Variants in B3GLCT observed in about 807,000 individuals in gnomAD.
B3GLCT encodes the protein beta 3-glucosyltransferase.
In B3GLCT, 65 loss-of-function variants were observed where a neutral mutation model predicts 63.4. The observed-to-expected ratio is 1.03, with a 90% CI of 0.84 to 1.26. The LOEUF (loss-of-function observed/expected upper bound fraction) is 1.26, where lower values mean the gene tolerates loss of function less well. B3GLCT is among the 50% of genes most tolerant of loss of function. The pLI is 0.00. For synonymous variants in B3GLCT, 233 were observed against 219.2 expected, an observed-to-expected ratio of 1.06 and a Z score of -0.55; for missense variants, 577 against 604.8, an observed-to-expected ratio of 0.95 and a Z score of 0.48.
At chr13:31,284,403 G>A (rs569006834) in intron 10 of B3GLCT, among the ~76,000 whole-genome samples, 2 of 152,212 alleles carry the variant, frequency 1.3e-5, no homozygotes, top group African/African-American at 4.8e-5. Flanking sequence ...TTATATGGAA[G>A]TAAGTGCATT....
At chr13:31,234,251 A>T (rs1870530926) in intron 4 of B3GLCT, among the ~76,000 whole-genome samples, 1 of 151,810 alleles carries the variant, frequency 6.6e-6, no homozygotes, top group Non-Finnish European at 1.5e-5. Flanking sequence ...TGATCTCCTG[A>T]CCTCGTAATC....
chr13:31,272,506 G>A (rs866931875), intron 8 of B3GLCT, among the ~76,000 whole-genome samples: 9 of 152,052 alleles, frequency 5.9e-5, no homozygotes, highest in South Asian at 2.1e-4. Context: ...GTGAGCCACC[G>A]TGCCCGGCCC....
chr13:31,316,942 A>C (rs1481392781), intron 12 of B3GLCT, among the ~76,000 whole-genome samples: 2 of 152,172 alleles, frequency 1.3e-5, no homozygotes, highest in African/African-American at 4.8e-5. Context: ...GATAGGGGCC[A>C]AAAGGTATTC....
rs778364563 is a variant in B3GLCT at position 31,274,580 on chromosome 13, C to T, written c.732C>T (p.Asp244=). The part of the protein sequence containing the change: ...LTPVPEFCTN[D]VDFYCATTFH... ...CAGTGCCTGAGTTTTGTACCAATGA[C>T]GTGGACTTCTACTGTGCTACCACAT... Residue 244 remains aspartate (D), a synonymous_variant, in exon 9 of 15, where the codon GAC becomes GAT. Transcript: ENST00000343307. 11 of 1,614,060 alleles carry T rather than the reference C, an allele frequency of 6.8e-6. No individual in the cohort carries two copies. Among genetic ancestry groups the T allele is most frequent in the East Asian group, 4.5e-5 (2 of 44,894 alleles).
intron 12 of B3GLCT, among the ~76,000 whole-genome samples, chr13:31,315,459 T>C (rs756512936): frequency 6.6e-6 from 1 of 152,166 alleles, no homozygotes; most frequent in East Asian, 1.9e-4. Context: ...TTGAGAGAGG[T>C]GATTTAGGGT....
intron 6 of B3GLCT, among the ~76,000 whole-genome samples, chr13:31,253,832 A>G (rs1348763218): frequency 6.6e-6 from 1 of 152,114 alleles, no homozygotes; most frequent in Non-Finnish European, 1.5e-5. Context: ...AATAGATGCA[A>G]TAAAAAATGA....
rs1386435135 is a variant in B3GLCT at position 31,261,017 on chromosome 13, T to G, written c.531T>G (p.Asn177Lys). ...TTCACCATTATGCCTTTTCCGAGAA[T>G]CCTACAGTTTTTAAGTATCCAGACT... ...TIIHHYAFSENPTVFKYPDFA... is the reference protein window; with the variant it reads ...TIIHHYAFSEKPTVFKYPDFA... The change falls in exon 7 of 15, where the codon AAT (asparagine) becomes AAG (lysine). Residue 177 changes from asparagine (N) to lysine (K), a missense_variant. By Grantham distance (94) the Asn-to-Lys change is moderately conservative (BLOSUM62 0). Coordinates refer to ENST00000343307, the MANE Select transcript of B3GLCT (RefSeq NM_194318.4). 6.2e-6 allele frequency: 10 copies of G among 1,613,914 alleles called. No homozygotes were observed. In the African/African-American group the frequency reaches 1.3e-4, roughly 22 times the overall value.
At chr13:31,239,180 T>C (rs914901660) in intron 4 of B3GLCT, among the ~76,000 whole-genome samples, 3 of 152,134 alleles carry the variant, frequency 2.0e-5, no homozygotes, top group African/African-American at 7.2e-5. Flanking sequence ...TCTTTGTAGA[T>C]TGCAGTGAAT....
At chr13:31,200,514 C>T (rs1165207167) in intron 1 of B3GLCT, among the ~76,000 whole-genome samples, 1 of 150,326 alleles carries the variant, frequency 6.7e-6, no homozygotes, top group Non-Finnish European at 1.5e-5. Context: ...AGGAACTGTG[C>T]CACCGAAGAA....
chr13:31,286,888 G>A, intron 12 of B3GLCT, 69 bp downstream of exon 12: 1 of 1,110,624 alleles, frequency 9.0e-7, no homozygotes, highest in Middle Eastern at 2.1e-4. Flanking sequence ...AACTAGATGG[G>A]TACTTTTTCT....
chr13:31,231,817 GC>G (rs1169788745), intron 4 of B3GLCT, among the ~76,000 whole-genome samples: 2 of 152,200 alleles, frequency 1.3e-5, no homozygotes, highest in East Asian at 3.8e-4. Context: ...GTTGCTGGGG[GC>G]TGGGTATGCC....
chr13:31,234,940 A>G (rs1870573854), intron 4 of B3GLCT, among the ~76,000 whole-genome samples: 1 of 152,094 alleles, frequency 6.6e-6, no homozygotes, highest in Non-Finnish European at 1.5e-5. Context: ...TGGCATTAAG[A>G]GAGCCAGGAC....
At chr13:31,297,359 C>G (rs1459702511) in intron 12 of B3GLCT, among the ~76,000 whole-genome samples, 1 of 150,944 alleles carries the variant, frequency 6.6e-6, no homozygotes, top group East Asian at 1.9e-4. Flanking sequence ...TCCTTGTCAA[C>G]CCCATTATTT....
intron 6 of B3GLCT, among the ~76,000 whole-genome samples, chr13:31,254,354 T>TATCCC (rs1871608580): frequency 6.6e-6 from 1 of 152,224 alleles, no homozygotes; most frequent in South Asian, 2.1e-4. Context: ...ATCCCTGGGA[T>TATCCC]GCAAGGCTGG....
intron 4 of B3GLCT, among the ~76,000 whole-genome samples, chr13:31,240,445 GAGTT>G (rs924840969): frequency 1.1e-4 from 17 of 149,388 alleles, no homozygotes; most frequent in African/African-American, 3.4e-4. Flanking sequence ...TTCTTGAAAA[GAGTT>G]AGGCCCTTGC....
At chr13:31,244,709 A>G (rs1400451866) in intron 4 of B3GLCT, among the ~76,000 whole-genome samples, 1 of 152,144 alleles carries the variant, frequency 6.6e-6, no homozygotes, top group Non-Finnish European at 1.5e-5. Flanking sequence ...GTGTAATATT[A>G]CATCTGTTTG....
At chr13:31,308,194 AG>A (rs1383013053) in intron 12 of B3GLCT, among the ~76,000 whole-genome samples, 1 of 37,944 alleles carries the variant, frequency 2.6e-5, no homozygotes, top group African/African-American at 7.7e-5. Context: ...GGGTCGGGGG[AG>A]GGGGGAGGGA....
chr13:31,331,409 AGT>A lies in B3GLCT; in HGVS notation c.*1743_*1744del, dbSNP rs1463710381. ...TCAAGCTTTCTTCTGTGGTCTGATT[AGT>A]GCCTTCTACTGATACCGGGGCACCT... On this transcript the variant is annotated 3_prime_UTR_variant, in exon 15 of 15. Coordinates refer to ENST00000343307, the MANE Select transcript of B3GLCT (RefSeq NM_194318.4). 1.4e-4 allele frequency: 11 copies of A among 80,850 alleles called. 1 individual carries two copies. The highest frequency in any genetic ancestry group is 3.5e-4 in the African/African-American group (11 of 31,144). 5.0% of individuals were successfully genotyped at this position (80,850 alleles called of 1,614,324 possible).
intron 8 of B3GLCT, among the ~76,000 whole-genome samples, chr13:31,272,489 T>G (rs1343495803): frequency 6.6e-6 from 1 of 152,184 alleles, no homozygotes; most frequent in East Asian, 1.9e-4. Context: ...GTGCTGGGAT[T>G]ACAGGAGTGA....
Sources: gnomAD v4.1 joint callset for allele counts (sites outside exome capture counted in the v4.1 genomes callset) on GRCh38, gnomAD v4.1.1 for gene constraint, MANE v1.5 for transcripts, NCBI Gene and HGNC (gene_info 2026-07-23, HGNC 2026-07-21) for gene names.